Variants in MYBPC1 observed in about 807,000 individuals in gnomAD.
The protein encoded by MYBPC1 is myosin-binding protein C, slow-type.
MYBPC1 carries 52 observed loss-of-function variants against 147.1 expected under a neutral mutation model. The ratio of observed to expected loss-of-function variants is 0.35; its 90% CI spans 0.28 to 0.45. The LOEUF (loss-of-function observed/expected upper bound fraction) is 0.45. MYBPC1 is among the 20% of genes least tolerant of loss of function. The pLI is 1.00. For synonymous variants in MYBPC1, 477 were observed against 475.9 expected (o/e 1.00, Z -0.03); for missense variants, 1,228 against 1,440.3 (o/e 0.85, Z 2.39).
At chr12:101,630,077 A>G (rs1473835885) in intron 6 of MYBPC1, among the ~76,000 whole-genome samples, 2 of 152,166 alleles carry the variant, frequency 1.3e-5, no homozygotes, top group Non-Finnish European at 2.9e-5. Flanking sequence ...CCTGGCAACC[A>G]TTAATCTGCT....
At chr12:101,648,663 C>A (rs533119638) in intron 14 of MYBPC1, among the ~76,000 whole-genome samples, 2 of 152,262 alleles carry the variant, frequency 1.3e-5, no homozygotes, top group East Asian at 3.9e-4. Context: ...TTTCATGTAA[C>A]CCCTAGTCAC....
At chr12:101,644,606 A>G in intron 11 of MYBPC1, 58 bp from the exon 12 acceptor site, 1 of 1,497,988 alleles carries the variant, frequency 6.7e-7, no homozygotes, top group Admixed American at 1.7e-5. Flanking sequence ...TTGACTATTT[A>G]AATTCATAGC....
At chr12:101,644,180 G>A (rs953894268) in intron 11 of MYBPC1, among the ~76,000 whole-genome samples, 1 of 152,062 alleles carries the variant, frequency 6.6e-6, no homozygotes, top group African/African-American at 2.4e-5. Flanking sequence ...GGGATTACAG[G>A]CATGCACCAC....
Position 101,685,809 on chromosome 12 carries a change from G to GATA in MYBPC1, c.*248_*249insTAA. 7.0e-5 allele frequency: 20 copies of GATA among 287,480 alleles called. No homozygotes were observed. The East Asian group carries it at 9.4e-4, about 13-fold the overall frequency. The allele number at this position is 287,480 out of a possible 1,614,324, so 17.8% of individuals were successfully genotyped here. ...CTTTTTCTTTCCTCCTAATGTTGAA[G>GATA]AGAAAAAAAAAAAAAAAAGTTTGCC... On this transcript the variant is annotated 3_prime_UTR_variant, in exon 32 of 32. Transcript: ENST00000361466.
intron 14 of MYBPC1, 50 bp downstream of exon 14, chr12:101,648,200 G>T: frequency 7.5e-7 from 1 of 1,337,304 alleles, no homozygotes; most frequent in South Asian, 1.2e-5. Context: ...AAAAAAATTG[G>T]ACCTTCATAG....
chr12:101,597,534 G>A (rs1479106777), intron 1 of MYBPC1, among the ~76,000 whole-genome samples: 1 of 152,162 alleles, frequency 6.6e-6, no homozygotes, highest in Non-Finnish European at 1.5e-5. Context: ...TTAGATCTTG[G>A]GAGAGCTGGT....
At chr12:101,677,571 T>C (rs557247921) in intron 27 of MYBPC1, among the ~76,000 whole-genome samples, 177 bp downstream of exon 27, 34 of 152,338 alleles carry the variant, frequency 2.2e-4, no homozygotes, top group African/African-American at 8.2e-4. Flanking sequence ...AGTGAAATTG[T>C]ATTATTATTG....
chr12:101,644,695 G>C lies in MYBPC1; in HGVS notation c.864G>C (p.Gln288His), dbSNP rs1354136968. 6.2e-7 allele frequency: 1 copy of C among 1,613,804 alleles called. No homozygotes were observed. The stretch of plus-strand genomic sequence containing the variant: ...CAAAAATTCTTGATCCTGCATATCA[G>C]GTTGACAAAGGAGGCAGAGTGAGGT... ...AFAKILDPAY[Q>H]VDKGGRVRFV... is the part of the protein sequence containing the mutation. Residue 288 changes from glutamine to histidine, a missense_variant, in exon 12 of 32, where the codon CAG (glutamine) becomes CAC (histidine). Transcript: ENST00000361466.
chr12:101,659,569 C>G, intron 18 of MYBPC1, 103 bp from the exon 19 acceptor site: 4 of 1,177,778 alleles, frequency 3.4e-6, no homozygotes, highest in Non-Finnish European at 5.0e-6. Flanking sequence ...AATCTATACA[C>G]TATACACTCT....
At chr12:101,600,139 A>G (rs1360201960) in intron 1 of MYBPC1, among the ~76,000 whole-genome samples, 5 of 152,232 alleles carry the variant, frequency 3.3e-5, no homozygotes. Context: ...CCTTTCAAAC[A>G]GTGAAGTCAG....
intron 1 of MYBPC1, among the ~76,000 whole-genome samples, chr12:101,601,142 G>A (rs187390992): frequency 6.6e-6 from 1 of 152,172 alleles, no homozygotes; most frequent in African/African-American, 2.4e-5. Context: ...GTTAAGGAAA[G>A]CCAAACTGTG....
Position 101,678,230 on chromosome 12 carries a change from A to C in MYBPC1, c.3238A>C (p.Asn1080His). The C allele has an allele frequency of 6.2e-7, 1 of 1,614,128 alleles. No homozygotes were observed. The highest frequency in any genetic ancestry group is 1.1e-5 in the South Asian group (1 of 91,088). The change falls in exon 28 of 32, where the codon AAT becomes CAT. Residue 1080 changes from asparagine to histidine, a missense_variant. Physicochemically the swap from Asn to His is moderately conservative, Grantham distance 68. Around this residue, in one of 2 missense-constraint regions of MYBPC1, gnomAD observed 1,077 missense variants for 1,314.2 expected, o/e 0.82. Transcript: ENST00000361466. The stretch of plus-strand genomic sequence containing the variant: ...CACCCTAAACTGCAGTGTGAGAGGA[A>C]ATCCTAAGGTACCATGTTCTTCTAT... ...NATLNCSVRG[N>H]PKPKITWMKN...
chr12:101,625,262 A>C (rs1043171506), intron 3 of MYBPC1, among the ~76,000 whole-genome samples: 1 of 152,036 alleles, frequency 6.6e-6, no homozygotes, highest in Non-Finnish European at 1.5e-5. Flanking sequence ...TATGTATTGG[A>C]GTGTTAACAT....
In MYBPC1 at chr12:101,652,278, A is replaced by G. The variant is rs181314173; in HGVS notation, c.1527-400A>G. On this transcript the variant is annotated intron_variant, in intron 16 of 31. Transcript: ENST00000361466. ...ACTAGTTTGTGACCCCAATAAAGTT[A>G]AGAGCTATTGTTCTTAGGGTTTGGG... 3.3e-3 allele frequency among the ~76,000 whole-genome samples: 505 copies of G among 152,334 alleles called. 6 individuals are homozygous for G. Among genetic ancestry groups the G allele is most frequent in the Non-Finnish European group, 1.1e-3 (76 of 68,030 alleles).
At chr12:101,601,358 C>T (rs1879860212) in intron 1 of MYBPC1, among the ~76,000 whole-genome samples, 2 of 152,188 alleles carry the variant, frequency 1.3e-5, no homozygotes, top group South Asian at 4.2e-4. Context: ...TTTAGACAGC[C>T]CAAAGATGGA....
intron 3 of MYBPC1, 96 bp downstream of exon 3, chr12:101,617,339 C>A: frequency 7.6e-7 from 1 of 1,310,912 alleles, no homozygotes; most frequent in Non-Finnish European, 1.1e-6. Context: ...TAGAATTTCT[C>A]TGCATTATCT....
At chr12:101,642,680 C>A (rs1593848674) in intron 11 of MYBPC1, 95 bp downstream of exon 11, 1 of 1,426,962 alleles carries the variant, frequency 7.0e-7, no homozygotes. Context: ...TCCAGTCTCC[C>A]GCGGGGTTGG....
At chr12:101,677,451 A>G in intron 27 of MYBPC1, 57 bp downstream of exon 27, 1 of 1,598,100 alleles carries the variant, frequency 6.3e-7, no homozygotes, top group Non-Finnish European at 8.6e-7. Flanking sequence ...CCAGACAGAG[A>G]AGACTGGAAA....
At chr12:101,663,961 C>T (rs1186792311) in intron 22 of MYBPC1, among the ~76,000 whole-genome samples, 1 of 152,156 alleles carries the variant, frequency 6.6e-6, no homozygotes. Context: ...AAAGAGTGAC[C>T]TATTTTGGGT....
Sources: gnomAD v4.1 joint callset for allele counts (sites outside exome capture counted in the v4.1 genomes callset) on GRCh38, gnomAD v4.1.1 for gene constraint, gnomAD v4.1.1 regional missense constraint, MANE v1.5 for transcripts, NCBI Gene and HGNC (gene_info 2026-07-23, HGNC 2026-07-21) for gene names.